The following CSMD1 variants were observed in gnomAD, a reference collection of about 807,000 sequenced individuals.
CSMD1 encodes CUB and sushi domain-containing protein 1.
A neutral mutation model predicts 417.5 loss-of-function variants in CSMD1; 213 were observed. The ratio of observed to expected loss-of-function variants is 0.51; its 90% CI spans 0.46 to 0.57. The LOEUF is 0.57. Among genes scored for constraint, CSMD1 ranks in the 20% least tolerant of loss-of-function variants. CSMD1 has a pLI of 0.00. For synonymous variants in CSMD1, 2,862 were observed against 1,736.8 expected, an observed-to-expected ratio of 1.65 and a Z score of -16.11; for missense variants, 6,923 against 4,529.7, an observed-to-expected ratio of 1.53 and a Z score of -15.17.
chr8:4,876,315 G>T (rs867331540), intron 1 of CSMD1, among the ~76,000 whole-genome samples: 5 of 151,932 alleles, frequency 3.3e-5, no homozygotes, highest in Middle Eastern at 3.2e-3. Context: ...TGGTATTCAT[G>T]GGCAACAGAA....
intron 1 of CSMD1, among the ~76,000 whole-genome samples, chr8:4,727,932 T>C (rs1809570110): frequency 7.2e-6 from 1 of 139,048 alleles, no homozygotes; most frequent in African/African-American, 2.6e-5. Flanking sequence ...ATCTAATATA[T>C]ATATATACAA....
chr8:4,700,120 A>G (rs1019078325), intron 1 of CSMD1, among the ~76,000 whole-genome samples: 1 of 152,170 alleles, frequency 6.6e-6, no homozygotes, highest in African/African-American at 2.4e-5. Context: ...TAAGTGGTGA[A>G]CTTTTTGTTT....
intron 3 of CSMD1, among the ~76,000 whole-genome samples, chr8:4,311,253 T>C (rs968730567): frequency 1.3e-5 from 2 of 152,156 alleles, no homozygotes; most frequent in African/African-American, 4.8e-5. Flanking sequence ...TCAACCTAAA[T>C]GTCCATCAAT....
At chr8:4,379,751 G>C (rs1422014853) in intron 3 of CSMD1, among the ~76,000 whole-genome samples, 1 of 152,104 alleles carries the variant, frequency 6.6e-6, no homozygotes, top group Non-Finnish European at 1.5e-5. Context: ...TGATAAATGA[G>C]AAAAATCTAT....
intron 2 of CSMD1, among the ~76,000 whole-genome samples, chr8:4,508,921 G>C (rs143940542): frequency 6.6e-6 from 1 of 152,018 alleles, no homozygotes; most frequent in South Asian, 2.1e-4. Context: ...GTGCACAGGG[G>C]CATAAATCCC....
At chr8:4,339,274 T>C (rs9314527) in intron 3 of CSMD1, among the ~76,000 whole-genome samples, 1 of 152,070 alleles carries the variant, frequency 6.6e-6, no homozygotes. Context: ...AGTAGGAAGT[T>C]GATAACTACT....
chr8:4,201,959 G>A (rs768445064), intron 3 of CSMD1, among the ~76,000 whole-genome samples: 1 of 151,164 alleles, frequency 6.6e-6, no homozygotes, highest in Non-Finnish European at 1.5e-5. Flanking sequence ...AAAACCCTGA[G>A]ACAGAAAACA....
intron 2 of CSMD1, among the ~76,000 whole-genome samples, chr8:4,611,293 T>A (rs535051720): frequency 1.3e-4 from 20 of 152,202 alleles, no homozygotes; most frequent in Non-Finnish European, 2.6e-4. Context: ...TTCATACCAA[T>A]AAATATGAAA....
chr8:4,910,904 G>T (rs988843364), intron 1 of CSMD1, among the ~76,000 whole-genome samples: 2 of 152,178 alleles, frequency 1.3e-5, no homozygotes, highest in Non-Finnish European at 2.9e-5. Context: ...GGGACCCAGT[G>T]GGAGGTAATT....
intron 4 of CSMD1, among the ~76,000 whole-genome samples, chr8:4,012,888 C>G (rs941768167): frequency 2.5e-4 from 38 of 152,272 alleles, no homozygotes; most frequent in Middle Eastern, 3.4e-3. Context: ...TGTGTCACAA[C>G]CACTGTGTAG....
At chr8:3,881,814 C>G (rs962837681) in intron 5 of CSMD1, among the ~76,000 whole-genome samples, 4 of 151,956 alleles carry the variant, frequency 2.6e-5, no homozygotes, top group African/African-American at 7.2e-5. Context: ...AAGGGAAGAA[C>G]AGAAGTGAGA....
chr8:3,739,465 G>T (rs543688988), intron 6 of CSMD1, among the ~76,000 whole-genome samples: 2 of 152,142 alleles, frequency 1.3e-5, no homozygotes, highest in African/African-American at 4.8e-5. Flanking sequence ...TAATTACTCT[G>T]GTTTGATCAC....
intron 7 of CSMD1, among the ~76,000 whole-genome samples, chr8:3,621,916 G>A (rs978327547): frequency 6.6e-6 from 1 of 151,796 alleles, no homozygotes; most frequent in African/African-American, 2.4e-5. Context: ...AGAAGTGTAT[G>A]CTTATAATGG....
chr8:3,392,112 G>T (rs1379590976), intron 17 of CSMD1, among the ~76,000 whole-genome samples: 6 of 128,374 alleles, frequency 4.7e-5, no homozygotes, highest in African/African-American at 1.7e-4. Context: ...GTTGTGCGGT[G>T]GGGGGAGGGG....
intron 7 of CSMD1, among the ~76,000 whole-genome samples, chr8:3,678,273 A>G (rs1219938089): frequency 2.6e-5 from 4 of 152,166 alleles, no homozygotes; most frequent in Non-Finnish European, 5.9e-5. Context: ...CATCGCAAAG[A>G]AGTTAAAAAC....
At chr8:4,753,939 T>C (rs1300745668) in intron 1 of CSMD1, among the ~76,000 whole-genome samples, 6 of 152,218 alleles carry the variant, frequency 3.9e-5, no homozygotes, top group Non-Finnish European at 7.3e-5. Context: ...AGATGCTTTA[T>C]GTGCTGCCAA....
At chr8:4,226,065 C>T (rs991764171) in intron 3 of CSMD1, among the ~76,000 whole-genome samples, 41 of 78,014 alleles carry the variant, frequency 5.3e-4, no homozygotes, top group African/African-American at 1.5e-3. Flanking sequence ...AGCTGACAGG[C>T]GGACACACAC....
At chr8:3,619,547 T>A (rs530510906) in intron 7 of CSMD1, among the ~76,000 whole-genome samples, 10 of 152,174 alleles carry the variant, frequency 6.6e-5, no homozygotes, top group South Asian at 2.1e-4. Context: ...AATAAAGGAA[T>A]ATAAACTTTC....
intron 37 of CSMD1, among the ~76,000 whole-genome samples, chr8:3,175,542 TCCCTCCC>T (rs1820881358): frequency 7.1e-6 from 1 of 139,950 alleles, no homozygotes; most frequent in African/African-American, 2.7e-5. Flanking sequence ...CCTTCTTCCC[TCCCTCCC>T]TCTCTCCCTC....
Sources: gnomAD v4.1 joint callset for allele counts (sites outside exome capture counted in the v4.1 genomes callset) on GRCh38, gnomAD v4.1.1 for gene constraint, MANE v1.5 for transcripts, NCBI Gene and HGNC (gene_info 2026-07-23, HGNC 2026-07-21) for gene names.